Variants in ST6GAL1 observed in about 807,000 individuals in gnomAD.
ST6GAL1 encodes the protein ST6 beta-galactoside alpha-2,6-sialyltransferase 1, also known as beta-galactoside alpha-2,6-sialyltransferase 1.
ST6GAL1 carries 20 observed loss-of-function variants against 38.0 expected under a neutral mutation model. The observed-to-expected ratio is 0.53, with a 90% CI of 0.37 to 0.77. ST6GAL1 has a LOEUF of 0.77. ST6GAL1 is among the 30% of genes least tolerant of loss of function. The pLI is 0.00. For missense variants in ST6GAL1, 432 were observed against 496.4 expected (o/e 0.87, Z 1.23); for synonymous variants, 196 against 188.2 (o/e 1.04, Z -0.34).
intron 1 of ST6GAL1, among the ~76,000 whole-genome samples, chr3:186,939,031 T>C (rs914745047): frequency 6.8e-6 from 1 of 146,874 alleles, no homozygotes; most frequent in Admixed American, 6.7e-5. Context: ...TAGGGAGGAT[T>C]GGGAGTGAGG....
chr3:187,022,506 G>A (rs2108566135), intron 2 of ST6GAL1, among the ~76,000 whole-genome samples: 1 of 152,254 alleles, frequency 6.6e-6, no homozygotes. Context: ...AGATAAGGAG[G>A]TTGTGGGGGC....
At chr3:187,051,443 TTA>T in intron 5 of ST6GAL1, 97 bp downstream of exon 5, 1 of 1,101,590 alleles carries the variant, frequency 9.1e-7, no homozygotes, top group Non-Finnish European at 1.3e-6. Context: ...AGGCTGCCAA[TTA>T]AGTCTCTTGA....
At chr3:187,022,080 T>A (rs1717329057) in intron 2 of ST6GAL1, 1 of 152,236 alleles carries the variant, frequency 6.6e-6, no homozygotes, top group African/African-American at 2.4e-5. Flanking sequence ...GGAACCCCAA[T>A]GGAAGCTGGT....
chr3:186,943,535 C>T (rs1375467999), intron 1 of ST6GAL1, among the ~76,000 whole-genome samples: 8 of 152,112 alleles, frequency 5.3e-5, no homozygotes, highest in Non-Finnish European at 8.8e-5. Context: ...CTGCAACCTC[C>T]GCCTCCCGGG....
At chr3:187,070,823 G>C (rs532933168) in intron 5 of ST6GAL1, among the ~76,000 whole-genome samples, 5 of 152,234 alleles carry the variant, frequency 3.3e-5, no homozygotes, top group African/African-American at 9.6e-5. Context: ...CCACTACCCT[G>C]TGACCTCCTG....
chr3:186,932,371 G>A (rs1366720844), intron 1 of ST6GAL1, among the ~76,000 whole-genome samples: 3 of 152,216 alleles, frequency 2.0e-5, no homozygotes, highest in Non-Finnish European at 4.4e-5. Flanking sequence ...CCGGGATTCT[G>A]TGATTGGCCT....
chr3:186,957,208 C>T (rs1353908408), intron 1 of ST6GAL1, among the ~76,000 whole-genome samples: 1 of 152,130 alleles, frequency 6.6e-6, no homozygotes, highest in African/African-American at 2.4e-5. Context: ...TTTGGGAGGC[C>T]AAGGTGAGTG....
intron 2 of ST6GAL1, among the ~76,000 whole-genome samples, chr3:187,007,308 A>G (rs1052578735): frequency 6.6e-6 from 1 of 152,354 alleles, no homozygotes; most frequent in African/African-American, 2.4e-5. Context: ...TGGACTGACA[A>G]AAGTCCTGGG....
rs1719587694 is a variant in ST6GAL1, at chr3:187,077,024, A to G, written c.*1221A>G. ...TTGCTTTAAAAGCATCCTGACCCCA[A>G]TTTCTTTGAGCTCACGGGCCTTTTG... On this transcript the variant is annotated 3_prime_UTR_variant, in exon 8 of 8. Coordinates refer to ENST00000169298, the MANE Select transcript of ST6GAL1 (RefSeq NM_173216.2). The G allele has an allele frequency of 1.0e-5, 4 of 397,302 alleles. No individual in the cohort carries two copies. Among genetic ancestry groups the G allele is most frequent in the Non-Finnish European group, 1.8e-5 (4 of 225,798 alleles). The allele number at this position is 397,302 out of a possible 1,614,324, so 24.6% of individuals were successfully genotyped here.
chr3:187,063,722 T>TC (rs141850018), intron 5 of ST6GAL1, among the ~76,000 whole-genome samples: 14,061 of 152,086 alleles, frequency 0.092, 2,156 homozygotes, highest in African/African-American at 0.32. Context: ...CTGCAAAGAT[T>TC]TGAAACTGTA....
chr3:187,024,493 T>TAGAGAGAG (rs61165191), intron 2 of ST6GAL1, among the ~76,000 whole-genome samples: 1 of 85,772 alleles, frequency 1.2e-5, no homozygotes, highest in Non-Finnish European at 2.6e-5. Flanking sequence ...TATATATATA[T>TAGAGAGAG]AGAGAGAGAG....
chr3:187,058,137 T>A (rs1718780721), intron 5 of ST6GAL1, among the ~76,000 whole-genome samples: 2 of 152,252 alleles, frequency 1.3e-5, no homozygotes, highest in Admixed American at 6.5e-5. Context: ...TGCCATTTTT[T>A]AAGACAGTTG....
chr3:187,051,977 G>A (rs1385225351), intron 5 of ST6GAL1, among the ~76,000 whole-genome samples: 1 of 152,060 alleles, frequency 6.6e-6, no homozygotes, highest in African/African-American at 2.4e-5. Flanking sequence ...ATCAAAAATT[G>A]CACAATAGGG....
At chr3:187,061,666 A>G (rs1718919274) in intron 5 of ST6GAL1, among the ~76,000 whole-genome samples, 1 of 152,220 alleles carries the variant, frequency 6.6e-6, no homozygotes, top group African/African-American at 2.4e-5. Flanking sequence ...GGCTATCCAC[A>G]TGCAAAAGAA....
chr3:186,951,299 C>T lies in ST6GAL1; in HGVS notation c.-324-12486C>T, dbSNP rs145843823. On this transcript the variant is annotated intron_variant, in intron 1 of 7. Transcript: ENST00000169298. The stretch of plus-strand genomic sequence containing the variant: ...CTCGAACTCCTGACCTCAGGCAATC[C>T]GCCCACATCGGCCTCCCAAAGTGCT... 9.6e-3 allele frequency among the ~76,000 whole-genome samples: 1,459 copies of T among 152,232 alleles called. 19 individuals carry two copies. Among genetic ancestry groups the T allele is most frequent in the African/African-American group, 0.033 (1,371 of 41,528 alleles).
At chr3:186,987,803 T>C (rs1716005585) in intron 2 of ST6GAL1, among the ~76,000 whole-genome samples, 1 of 152,200 alleles carries the variant, frequency 6.6e-6, no homozygotes, top group South Asian at 2.1e-4. Flanking sequence ...AACTATGATA[T>C]TTAAGGGAAT....
chr3:187,013,810 C>G (rs1307889981), intron 2 of ST6GAL1, among the ~76,000 whole-genome samples: 1 of 152,172 alleles, frequency 6.6e-6, no homozygotes, highest in East Asian at 1.9e-4. Flanking sequence ...GTCTCTGACT[C>G]CCGACCTCAG....
chr3:187,075,736 G>A lies in ST6GAL1; in HGVS notation c.1154G>A (p.Gly385Asp), dbSNP rs766603901. ...AATTTGGTGAAGCATCTCAACCAGG[G>A]CACAGATGAGGACATCTACCTGCTT... ...EKNLVKHLNQ[G>D]TDEDIYLLGK... The change falls in exon 8 of 8, where the codon GGC (glycine) becomes GAC (aspartate). Residue 385 changes from glycine (G) to aspartate (D), a missense_variant. Physicochemically the swap from Gly to Asp is moderately conservative, Grantham distance 94. Coordinates refer to ENST00000169298, the MANE Select transcript of ST6GAL1 (RefSeq NM_173216.2). This position sits in a 1 kb window ranked among gnomAD's most constrained non-coding sequence, Gnocchi z 4.1. 5.5e-5 allele frequency: 88 copies of A among 1,614,130 alleles called. 1 individual carries two copies. Among genetic ancestry groups the A allele is most frequent in the Non-Finnish European group, 7.0e-5 (83 of 1,180,054 alleles).
intron 2 of ST6GAL1, among the ~76,000 whole-genome samples, chr3:187,002,619 G>T (rs1409388398): frequency 6.6e-6 from 1 of 152,158 alleles, no homozygotes; most frequent in Non-Finnish European, 1.5e-5. Context: ...ATTCCTGTCT[G>T]TGCCAATTAC....
Sources: allele counts gnomAD v4.1 joint callset (sites outside exome capture counted in the v4.1 genomes callset), GRCh38; gene constraint gnomAD v4.1.1; non-coding constraint Gnocchi (gnomAD v3.1); transcripts MANE v1.5; gene names NCBI Gene and HGNC (gene_info 2026-07-23, HGNC 2026-07-21).